The following AUTS2 variants were observed in gnomAD, a reference collection of about 807,000 sequenced individuals.
The protein encoded by AUTS2 is autism susceptibility gene 2 protein.
AUTS2 carries 17 observed loss-of-function variants against 112.4 expected under a neutral mutation model. That is an observed-to-expected ratio of 0.15 (90% CI 0.10 to 0.23). The LOEUF is 0.23. Ranked by LOEUF, AUTS2 falls within the 10% of genes least tolerant of loss-of-function variation. The pLI is 1.00. For missense variants in AUTS2, 1,510 were observed against 1,701.6 expected (o/e 0.89, Z 1.98); for synonymous variants, 751 against 702.7 (o/e 1.07, Z -1.09).
chr7:69,837,151 T>G (rs1404593871), intron 1 of AUTS2, among the ~76,000 whole-genome samples: 4 of 152,134 alleles, frequency 2.6e-5, no homozygotes, highest in Non-Finnish European at 5.9e-5. Context: ...GTTTCTTATT[T>G]GAAAATGAGG....
chr7:70,127,092 G>A (rs1467998039), intron 3 of AUTS2, among the ~76,000 whole-genome samples: 1 of 150,674 alleles, frequency 6.6e-6, no homozygotes, highest in Non-Finnish European at 1.5e-5. Flanking sequence ...CTTCCAAAGT[G>A]CTGGATTACA....
At chr7:70,363,050 G>GTA (rs1489436154) in intron 4 of AUTS2, among the ~76,000 whole-genome samples, 1 of 152,218 alleles carries the variant, frequency 6.6e-6, no homozygotes. Flanking sequence ...CTCTGTGTGT[G>GTA]TATAATATTT....
At chr7:70,334,082 C>A (rs1479524017) in intron 4 of AUTS2, among the ~76,000 whole-genome samples, 1 of 152,086 alleles carries the variant, frequency 6.6e-6, no homozygotes, top group African/African-American at 2.4e-5. Flanking sequence ...CCATTTCTTT[C>A]TTTTTCTTGT....
intron 4 of AUTS2, among the ~76,000 whole-genome samples, chr7:70,323,818 A>C (rs777394266): frequency 3.3e-5 from 5 of 152,258 alleles, no homozygotes; most frequent in Non-Finnish European, 5.9e-5. Flanking sequence ...TTCTGAAGAA[A>C]AATGGCTACA....
intron 1 of AUTS2, among the ~76,000 whole-genome samples, chr7:69,647,357 CTT>C (rs200874078): frequency 1.6e-4 from 23 of 142,674 alleles, no homozygotes; most frequent in African/African-American, 3.6e-4. Flanking sequence ...CTTTCACTAT[CTT>C]TTTTTTTTTT....
rs10651355 is a variant in AUTS2, at chr7:70,528,093, A to ATTTTTTTTTTT, written c.690+92328_690+92338dup. On this transcript the variant is annotated intron_variant, in intron 5 of 18. Transcript: ENST00000342771. ...ACTTGAAGTTCACTTAAATTTAAGG[A>ATTTTTTTTTTT]TTTTTTTTTTTTTTTTTTTTTTTTT... 4.3e-4 allele frequency among the ~76,000 whole-genome samples: 42 copies of ATTTTTTTTTTT among 97,292 alleles called. 4 individuals are homozygous for ATTTTTTTTTTT. The South Asian group carries it at 6.0e-3, about 14-fold the overall frequency. 63.8% of individuals were successfully genotyped at this position (97,292 alleles called of 152,430 possible). A position where few individuals can be genotyped will look rare whatever the true frequency, so the allele number is the denominator to read the frequency against.
chr7:70,748,802 A>C (rs932876267), intron 6 of AUTS2, among the ~76,000 whole-genome samples: 2 of 152,152 alleles, frequency 1.3e-5, no homozygotes, highest in African/African-American at 2.4e-5. Context: ...CCCTAAAGGC[A>C]GTTTGTTCTC....
intron 4 of AUTS2, among the ~76,000 whole-genome samples, chr7:70,324,917 G>A (rs971206201): frequency 2.0e-5 from 3 of 152,090 alleles, no homozygotes; most frequent in African/African-American, 7.2e-5. Context: ...GGGAAGTTGA[G>A]AATTTTAGAG....
chr7:70,010,047 C>T (rs1484063384), intron 2 of AUTS2, among the ~76,000 whole-genome samples: 1 of 152,128 alleles, frequency 6.6e-6, no homozygotes, highest in South Asian at 2.1e-4. Flanking sequence ...GGTAAGATAC[C>T]TGTCTTCCCT....
chr7:69,869,250 T>C (rs1175259393), intron 1 of AUTS2, among the ~76,000 whole-genome samples: 1 of 152,130 alleles, frequency 6.6e-6, no homozygotes, highest in Non-Finnish European at 1.5e-5. Context: ...AATGTGCATT[T>C]TGTGAATACT....
chr7:70,503,984 G>A (rs1409608846), intron 5 of AUTS2, among the ~76,000 whole-genome samples: 10 of 151,604 alleles, frequency 6.6e-5, no homozygotes, highest in Non-Finnish European at 1.2e-4. Flanking sequence ...TGAACTACTT[G>A]GCAATGAATT....
At chr7:69,703,947 T>G (rs895587557) in intron 1 of AUTS2, among the ~76,000 whole-genome samples, 2 of 152,234 alleles carry the variant, frequency 1.3e-5, no homozygotes, top group Non-Finnish European at 2.9e-5. Context: ...AAGTCCTTGG[T>G]AATTTTCTTT....
At chr7:70,395,913 G>T (rs754535017) in intron 4 of AUTS2, among the ~76,000 whole-genome samples, 3 of 152,082 alleles carry the variant, frequency 2.0e-5, no homozygotes, top group African/African-American at 7.2e-5. Context: ...GCTGTTTACC[G>T]TCAAGCCTGT....
At chr7:70,648,796 A>G (rs1563101051) in intron 5 of AUTS2, among the ~76,000 whole-genome samples, 2 of 152,004 alleles carry the variant, frequency 1.3e-5, no homozygotes, top group Admixed American at 6.6e-5. Flanking sequence ...ATGTTGGCCA[A>G]GCTGGTCTCG....
chr7:69,814,290 G>A (rs1186747739), intron 1 of AUTS2, among the ~76,000 whole-genome samples: 2 of 152,216 alleles, frequency 1.3e-5, no homozygotes, highest in Non-Finnish European at 2.9e-5. Context: ...GGGAAATGGT[G>A]ATGCTTCTGC....
intron 1 of AUTS2, among the ~76,000 whole-genome samples, chr7:69,787,776 G>A (rs1331686699): frequency 6.6e-6 from 1 of 152,132 alleles, no homozygotes; most frequent in East Asian, 1.9e-4. Context: ...GTTTCACCAT[G>A]TTGGCCAGGG....
At chr7:70,713,098 C>T (rs1382354642) in intron 6 of AUTS2, among the ~76,000 whole-genome samples, 1 of 152,172 alleles carries the variant, frequency 6.6e-6, no homozygotes, top group Non-Finnish European at 1.5e-5. Flanking sequence ...GAAACCATGA[C>T]CTTGGGCCAA....
At chr7:70,756,376 T>C (rs56385226) in intron 6 of AUTS2, among the ~76,000 whole-genome samples, 3,132 of 152,268 alleles carry the variant, frequency 0.021, 113 homozygotes, top group African/African-American at 0.07. Context: ...CATTGGACTT[T>C]TAGAAGTGTA....
intron 1 of AUTS2, among the ~76,000 whole-genome samples, chr7:69,794,258 T>A (rs1486442840): frequency 1.3e-5 from 2 of 152,158 alleles, no homozygotes; most frequent in Non-Finnish European, 2.9e-5. Context: ...AAGACTTCTC[T>A]TTTGGCATCT....
Sources: allele counts gnomAD v4.1 joint callset (sites outside exome capture counted in the v4.1 genomes callset), GRCh38; gene constraint gnomAD v4.1.1; transcripts MANE v1.5; gene names NCBI Gene and HGNC (gene_info 2026-07-23, HGNC 2026-07-21).